Variants in MAIP1 observed in about 807,000 individuals in gnomAD.
MAIP1 encodes the protein matrix AAA peptidase interacting protein 1, also known as m-AAA protease-interacting protein 1, mitochondrial.
A neutral mutation model predicts 31.2 loss-of-function variants in MAIP1; 28 were observed. That is an observed-to-expected ratio of 0.90 (90% CI 0.67 to 1.23). MAIP1 has a LOEUF of 1.23. Among genes scored for constraint, MAIP1 ranks in the 50% most tolerant of loss-of-function variants. The probability of loss-of-function intolerance (pLI) is 0.00; values close to 1 mark genes in which losing one functional copy is unlikely to be tolerated. For synonymous variants in MAIP1, 142 were observed against 142.3 expected (o/e 1.00, Z 0.02); for missense variants, 339 against 356.0 (o/e 0.95, Z 0.38).
At chr2:199,958,964 A>G (rs2077622233) in intron 1 of MAIP1, among the ~76,000 whole-genome samples, 1 of 152,210 alleles carries the variant, frequency 6.6e-6, no homozygotes, top group South Asian at 2.1e-4. Context: ...TGTTTACTTC[A>G]TCATTTTAAA....
In MAIP1 at chr2:199,963,723, T is replaced by A; in HGVS notation, c.798-10T>A. ...TGTAAGATTTACATTATTTGCAATG[T>A]CTTTCCTAGGTTTCAGAGGGAGTTC... is the stretch of plus-strand genomic sequence containing the variant. On this transcript the variant is annotated splice_polypyrimidine_tract_variant and intron_variant, in intron 4 of 4. Coordinates refer to ENST00000392290, the MANE Select transcript of MAIP1 (RefSeq NM_001394955.1). The A allele has an allele frequency of 6.4e-7, 1 of 1,550,532 alleles. No individual in the cohort carries two copies. The highest frequency in any genetic ancestry group is 8.9e-7 in the Non-Finnish European group (1 of 1,123,132).
chr2:199,961,331 G>A (rs995773522), intron 3 of MAIP1, among the ~76,000 whole-genome samples: 3 of 152,102 alleles, frequency 2.0e-5, no homozygotes, highest in African/African-American at 7.2e-5. Context: ...GGGCATGGTG[G>A]TGCGTGCCTG....
In MAIP1 at chr2:199,955,887, C is replaced by A. The variant is rs1465989787; in HGVS notation, c.89C>A (p.Ala30Asp). The A allele has an allele frequency of 6.4e-7, 1 of 1,564,438 alleles. No individual in the cohort carries two copies. Among genetic ancestry groups the A allele is most frequent in the Non-Finnish European group, 8.7e-7 (1 of 1,154,440 alleles). ...GAVRLRTPAV[A>D]EVRLPSATLC... is the part of the protein sequence containing the mutation. The stretch of plus-strand genomic sequence containing the variant: ...GTCCGACTCCGGACTCCTGCTGTGG[C>A]CGAGGTGAGGCTGCCGTCGGCCACA... The change falls in exon 1 of 5, where the codon GCC becomes GAC. Residue 30 changes from alanine to aspartate, a missense_variant. Transcript: ENST00000392290.
chr2:199,957,442 T>TC (rs1449462014), intron 1 of MAIP1, among the ~76,000 whole-genome samples: 1 of 152,124 alleles, frequency 6.6e-6, no homozygotes, highest in African/African-American at 2.4e-5. Context: ...AAAGTTTATT[T>TC]CCCGCTTCAT....
chr2:199,962,877 C>T (rs1224841848), intron 4 of MAIP1, among the ~76,000 whole-genome samples: 2 of 152,058 alleles, frequency 1.3e-5, no homozygotes, highest in Admixed American at 1.3e-4. Context: ...CAGTGAACTG[C>T]TGGAGCAAGT....
chr2:199,961,923 C>T lies in MAIP1; in HGVS notation c.792C>T (p.Ser264=), dbSNP rs542762716. The T allele has an allele frequency of 8.7e-6, 14 of 1,611,380 alleles. No individual in the cohort carries two copies. The Admixed American group carries it at 2.0e-4, about 23-fold the overall frequency. Residue 264 remains serine, a synonymous_variant, in exon 4 of 5, where the codon AGC becomes AGT. Coordinates refer to ENST00000392290, the MANE Select transcript of MAIP1 (RefSeq NM_001394955.1). The part of the protein sequence containing the change: ...NVETKQLLSA[S]YEFQREFTQG... The stretch of plus-strand genomic sequence containing the variant: ...AAACTAAACAACTTCTTAGTGCAAG[C>T]TATGAGTAAGTTTAATCAGATTTCA...
chr2:199,957,609 T>A (rs1399914341), intron 1 of MAIP1, among the ~76,000 whole-genome samples: 6 of 152,266 alleles, frequency 3.9e-5, no homozygotes, highest in Non-Finnish European at 8.8e-5. Context: ...TCAAATGTTT[T>A]CAACTTTGTT....
Position 199,955,655 on chromosome 2 carries a change from G to T in MAIP1, c.-144G>T. On this transcript the variant is annotated 5_prime_UTR_variant, in exon 1 of 5. Transcript: ENST00000392290. Reference sequence around the variant, plus strand: ...CTCGGCCTGGGCTGCGTGCTGGAGAGCGGGGACGGGGCCGACTCACCAGAG... The same window carrying T: ...CTCGGCCTGGGCTGCGTGCTGGAGATCGGGGACGGGGCCGACTCACCAGAG... 9.0e-7 allele frequency: 1 copy of T among 1,115,672 alleles called. No homozygotes were observed. The highest frequency in any genetic ancestry group is 2.8e-5 in the Admixed American group (1 of 35,214). The allele number at this position is 1,115,672 out of a possible 1,614,324, so 69.1% of individuals were successfully genotyped here.
chr2:199,958,490 G>C (rs1002036555), intron 1 of MAIP1, among the ~76,000 whole-genome samples: 2 of 152,162 alleles, frequency 1.3e-5, no homozygotes, highest in African/African-American at 4.8e-5. Context: ...TGGCAGCCTA[G>C]ATTTCAGCTT....
chr2:199,955,830 T>C lies in MAIP1; in HGVS notation c.32T>C (p.Phe11Ser), dbSNP rs1429406346. ...CTGGCCGCTCGTTTGCTACCCCAGTTCCTGCACTCTCGGTCGCTGCCCTGC... is the reference window on the plus strand; with the variant it reads ...CTGGCCGCTCGTTTGCTACCCCAGTCCCTGCACTCTCGGTCGCTGCCCTGC... MALAARLLPQ[F>S]LHSRSLPCGA... Residue 11 changes from phenylalanine to serine, a missense_variant, in exon 1 of 5, where the codon TTC becomes TCC. Phe to Ser is a radical substitution (Grantham distance 155, BLOSUM62 -2). Transcript: ENST00000392290. 1 of 1,520,608 alleles carries C rather than the reference T, an allele frequency of 6.6e-7. No individual in the cohort carries two copies. The highest frequency in any genetic ancestry group is 1.4e-5 in the African/African-American group (1 of 71,770). 94.2% of individuals were successfully genotyped at this position (1,520,608 alleles called of 1,614,324 possible).
chr2:199,962,061 A>C (rs767128790), intron 4 of MAIP1, 133 bp downstream of exon 4: 247 of 762,468 alleles, frequency 3.2e-4, no homozygotes, highest in Non-Finnish European at 4.5e-4. Context: ...AAAAGGTCAG[A>C]AAGACACACT....
upstream of MAIP1, chr2:199,955,513 C>T (rs768808730): frequency 1.2e-5 from 19 of 1,602,118 alleles, no homozygotes; most frequent in Admixed American, 6.8e-5. Context: ...GGAACTTCGG[C>T]TCTAAAGCGT....
chr2:199,957,460 T>A (rs1253317335), intron 1 of MAIP1, among the ~76,000 whole-genome samples: 1 of 152,206 alleles, frequency 6.6e-6, no homozygotes, highest in Admixed American at 6.5e-5. Context: ...CATACCTCCA[T>A]ATGCCTTAAA....
chr2:199,962,023 T>C, intron 4 of MAIP1, 95 bp downstream of exon 4: 1 of 1,151,924 alleles, frequency 8.7e-7, no homozygotes, highest in Non-Finnish European at 1.2e-6. Context: ...AGAAAAGAAT[T>C]GAAATTTGAC....
intron 3 of MAIP1, 98 bp downstream of exon 3, chr2:199,959,978 G>A: frequency 8.7e-7 from 1 of 1,147,292 alleles, no homozygotes; most frequent in South Asian, 1.6e-5. Flanking sequence ...GTCAGGACAA[G>A]TATTTATAGA....
At chr2:199,959,199 T>C (rs2077623297) in intron 1 of MAIP1, 69 bp from the exon 2 acceptor site, 1 of 819,308 alleles carries the variant, frequency 1.2e-6, no homozygotes, top group Admixed American at 1.8e-5. Context: ...CACTTAGCCA[T>C]TTAAATATGA....
rs199942077 is a variant in MAIP1 at position 199,961,963 on chromosome 2, C to T, written c.797+35C>T. ...ATCAGATTTCATTGTTTCCTTTCTT[C>T]AGAAAATGGAAGGTAGTGTGAAGGT... is the stretch of plus-strand genomic sequence containing the variant. On this transcript the variant is annotated intron_variant, in intron 4 of 4. Transcript: ENST00000392290. 1,103 of 1,572,188 alleles carry T rather than the reference C, an allele frequency of 7.0e-4. 17 individuals are homozygous for T. The South Asian group carries it at 0.012, about 17-fold the overall frequency.
intron 3 of MAIP1, among the ~76,000 whole-genome samples, chr2:199,960,875 T>C (rs2077632035): frequency 6.6e-6 from 1 of 152,240 alleles, no homozygotes. Flanking sequence ...TTAGTGATGA[T>C]AAAATTTTTC....
chr2:199,956,327 T>C, intron 1 of MAIP1, 79 bp downstream of exon 1: 1 of 1,126,152 alleles, frequency 8.9e-7, no homozygotes, highest in Non-Finnish European at 1.3e-6. Flanking sequence ...GCAGTGAGTT[T>C]TCTTCACTGG....
Sources: allele counts gnomAD v4.1 joint callset (sites outside exome capture counted in the v4.1 genomes callset), GRCh38; gene constraint gnomAD v4.1.1; transcripts MANE v1.5; gene names NCBI Gene and HGNC (gene_info 2026-07-23, HGNC 2026-07-21).